PCDHGA4: variants seen among roughly 807,000 people sequenced by gnomAD.
PCDHGA4 encodes protocadherin gamma-A4.
PCDHGA4 carries 38 observed loss-of-function variants against 54.6 expected under a neutral mutation model. The ratio of observed to expected loss-of-function variants is 0.70; its 90% CI spans 0.54 to 0.91. The LOEUF is 0.91. Among genes scored for constraint, PCDHGA4 ranks in the 40% least tolerant of loss-of-function variants. PCDHGA4 has a pLI of 0.00. For missense variants in PCDHGA4, 1,298 were observed against 1,220.9 expected (o/e 1.06, Z -0.94); for synonymous variants, 511 against 512.9 (o/e 1.00, Z 0.05).
At chr5:141,370,245 C>G (rs1766766732) in intron 1 of PCDHGA4, 1 of 646,036 alleles carries the variant, frequency 1.5e-6, no homozygotes, top group Non-Finnish European at 2.5e-6. Context: ...GAAAAGTGCA[C>G]TCTCTATCAG....
chr5:141,428,443 G>T (rs1004000862), intron 1 of PCDHGA4: 5 of 383,870 alleles, frequency 1.3e-5, no homozygotes, highest in Non-Finnish European at 2.0e-5. Context: ...TAGACCAGGG[G>T]TTTTTCCCAA....
chr5:141,477,719 T>C lies in PCDHGA4; in HGVS notation c.2515-17088T>C. 6.2e-7 allele frequency: 1 copy of C among 1,613,876 alleles called. No individual in the cohort carries two copies. Among genetic ancestry groups the C allele is most frequent in the Non-Finnish European group, 8.5e-7 (1 of 1,180,028 alleles). ...CTATGAGGATCGGCGGGAATTTGAA[T>C]TAACAGCTCATATCAGCGATGGGGG... On this transcript the variant is annotated intron_variant, in intron 1 of 3. Transcript: ENST00000571252. The surrounding 1 kb of genome is among the most constrained non-coding windows in gnomAD (Gnocchi z 4.9).
At position 141,356,954 on chromosome 5, in the gene PCDHGA4, G is replaced by C. The variant is rs769188767; in HGVS notation, c.1847G>C (p.Gly616Ala). Residue 616 changes from glycine (G) to alanine (A), a missense_variant, in exon 1 of 4, where the codon GGC (glycine) becomes GCC (alanine). Physicochemically the swap from Gly to Ala is moderately conservative, Grantham distance 60. Coordinates refer to ENST00000571252, the MANE Select transcript of PCDHGA4 (RefSeq NM_018917.4). The part of the protein sequence containing the change: ...VELAPRSADS[G>A]YLVTKVVAVD... ...CTGGCACCCCGCTCCGCAGATTCCG[G>C]CTACCTGGTGACCAAAGTGGTGGCA... is the stretch of plus-strand genomic sequence containing the variant. The C allele has an allele frequency of 1.5e-5, 24 of 1,614,098 alleles. No individual in the cohort carries two copies. The Admixed American group carries it at 4.0e-4, about 27-fold the overall frequency.
intron 1 of PCDHGA4, chr5:141,383,115 G>T: frequency 6.2e-7 from 1 of 1,614,078 alleles, no homozygotes; most frequent in Non-Finnish European, 8.5e-7. Flanking sequence ...GAGGTAGGAC[G>T]CAGCTTTTCG....
At chr5:141,400,533 C>T in intron 1 of PCDHGA4, 11 of 1,613,902 alleles carry the variant, frequency 6.8e-6, no homozygotes, top group Non-Finnish European at 9.3e-6. Context: ...TGGTGAGTTT[C>T]ATTTATGTCT....
intron 1 of PCDHGA4, chr5:141,416,446 G>A (rs192789193): frequency 8.5e-5 from 13 of 152,284 alleles, no homozygotes; most frequent in East Asian, 5.8e-4. Context: ...GTAAATATGG[G>A]TTGGGAAGAC....
At chr5:141,365,868 T>TC (rs764390051) in intron 1 of PCDHGA4, 1 of 1,614,024 alleles carries the variant, frequency 6.2e-7, no homozygotes, top group East Asian at 2.2e-5. Flanking sequence ...GACACCGGTG[T>TC]CCTGTATGCT....
At position 141,393,612 on chromosome 5, in the gene PCDHGA4, A is replaced by G. The variant is rs1171689277; in HGVS notation, c.2514+35991A>G. Reference sequence around the variant, plus strand: ...CACGCGGCTGCTTACTGTAACAGCCAGCGACCCGGATGAGGGAATCAACGG... The same window carrying G: ...CACGCGGCTGCTTACTGTAACAGCCGGCGACCCGGATGAGGGAATCAACGG... On this transcript the variant is annotated intron_variant, in intron 1 of 3. Coordinates refer to ENST00000571252, the MANE Select transcript of PCDHGA4 (RefSeq NM_018917.4). 6.2e-7 allele frequency: 1 copy of G among 1,613,840 alleles called. No homozygotes were observed. Among genetic ancestry groups the G allele is most frequent in the Non-Finnish European group, 8.5e-7 (1 of 1,179,908 alleles).
chr5:141,388,848 G>A (rs766706887), intron 1 of PCDHGA4: 6 of 1,613,942 alleles, frequency 3.7e-6, no homozygotes, highest in South Asian at 3.3e-5. Flanking sequence ...AGCAAGGGAC[G>A]GTGGAGGAAT....
At chr5:141,383,319 A>G (rs778348189) in intron 1 of PCDHGA4, 1 of 1,614,020 alleles carries the variant, frequency 6.2e-7, no homozygotes, top group Non-Finnish European at 8.5e-7. Context: ...AAATAAATGT[A>G]AAAATAATGG....
chr5:141,371,978 C>T, intron 1 of PCDHGA4: 3 of 1,613,240 alleles, frequency 1.9e-6, no homozygotes, highest in Non-Finnish European at 2.5e-6. Context: ...TGCGTGCCTT[C>T]GAGCTCACTC....
chr5:141,403,855 A>G (rs750458276), intron 1 of PCDHGA4: 12 of 1,613,676 alleles, frequency 7.4e-6, no homozygotes, highest in Non-Finnish European at 1.0e-5. Flanking sequence ...CTGGGGAAAT[A>G]TCAACAGCAA....
At chr5:141,360,070 C>T (rs1230687498) in intron 1 of PCDHGA4, 2 of 1,469,578 alleles carry the variant, frequency 1.4e-6, no homozygotes, top group Non-Finnish European at 1.8e-6. Context: ...GTGACCTTAG[C>T]CCGGATTCTG....
At chr5:141,397,467 G>A (rs1052329651) in intron 1 of PCDHGA4, among the ~76,000 whole-genome samples, 1 of 152,176 alleles carries the variant, frequency 6.6e-6, no homozygotes, top group East Asian at 1.9e-4. Flanking sequence ...ATATTGGGGA[G>A]TTGGAAATCA....
chr5:141,470,828 C>A (rs1328067769), intron 1 of PCDHGA4, among the ~76,000 whole-genome samples: 1 of 151,994 alleles, frequency 6.6e-6, no homozygotes, highest in Non-Finnish European at 1.5e-5. Flanking sequence ...GTTAGGACGA[C>A]AAACACACGC....
At chr5:141,374,136 C>A (rs769413254) in intron 1 of PCDHGA4, 3 of 1,605,624 alleles carry the variant, frequency 1.9e-6, no homozygotes, top group Middle Eastern at 1.7e-4. Context: ...CTGCTCCTCA[C>A]GCTCCTGGGG....
intron 1 of PCDHGA4, chr5:141,478,432 G>T (rs1238011675): frequency 6.2e-7 from 1 of 1,613,728 alleles, no homozygotes; most frequent in Admixed American, 1.7e-5. Context: ...GCGACCCGCT[G>T]CTGAAGAAAC....
At chr5:141,425,822 A>G (rs1257213242) in intron 1 of PCDHGA4, among the ~76,000 whole-genome samples, 1 of 152,240 alleles carries the variant, frequency 6.6e-6, no homozygotes, top group Non-Finnish European at 1.5e-5. Context: ...GAAAAAAACA[A>G]ACTTTTAAAT....
chr5:141,503,616 A>G (rs1260134621), intron 2 of PCDHGA4, among the ~76,000 whole-genome samples: 2 of 150,944 alleles, frequency 1.3e-5, no homozygotes, highest in African/African-American at 2.4e-5. Context: ...AAAAAAAAAG[A>G]AAAAAGAAAA....
Sources: gnomAD v4.1 joint callset for allele counts (sites outside exome capture counted in the v4.1 genomes callset) on GRCh38, gnomAD v4.1.1 for gene constraint, Gnocchi (gnomAD v3.1) non-coding constraint, MANE v1.5 for transcripts, NCBI Gene and HGNC (gene_info 2026-07-23, HGNC 2026-07-21) for gene names.